The following TAFA5 variants were observed in gnomAD, a reference collection of about 807,000 sequenced individuals.
TAFA5 encodes TAFA chemokine like family member 5, also known as chemokine-like protein TAFA-5.
In TAFA5, 6 loss-of-function variants were observed where a neutral mutation model predicts 15.3. The ratio of observed to expected loss-of-function variants is 0.39; its 90% CI spans 0.21 to 0.77. The LOEUF is 0.77. TAFA5 is among the 30% of genes least tolerant of loss of function. TAFA5 has a pLI of 0.41. For missense variants in TAFA5, 161 were observed against 193.1 expected (o/e 0.83, Z 0.98); for synonymous variants, 103 against 80.7 (o/e 1.28, Z -1.48).
chr22:48,608,004 G>A (rs1260391093), intron 1 of TAFA5, among the ~76,000 whole-genome samples: 1 of 151,136 alleles, frequency 6.6e-6, no homozygotes, highest in Non-Finnish European at 1.5e-5. Flanking sequence ...CAGGCCTGGG[G>A]AACGTGGAGG....
chr22:48,560,727 G>C lies in TAFA5; in HGVS notation c.112+71023G>C, dbSNP rs1437306764. Among the ~76,000 whole-genome samples, 3 of 152,084 alleles carry C rather than the reference G, an allele frequency of 2.0e-5. No individual in the cohort carries two copies. The highest frequency in any genetic ancestry group is 1.3e-4 in the Admixed American group (2 of 15,284). ...GGGTTCAAGCAATTCTCCCGCCTCA[G>C]CTTCCTGAGTAGCTGGGATTACAGG... On this transcript the variant is annotated intron_variant, in intron 1 of 3. Transcript: ENST00000402357. This position sits in a 1 kb window ranked among gnomAD's most constrained non-coding sequence, Gnocchi z 4.2.
chr22:48,542,135 G>A (rs1274730482), intron 1 of TAFA5, among the ~76,000 whole-genome samples: 2 of 129,620 alleles, frequency 1.5e-5, no homozygotes, highest in South Asian at 2.3e-4. Context: ...TGTGTGATGT[G>A]TATGTGTGTG....
chr22:48,708,860 C>T (rs1322078591), intron 3 of TAFA5, among the ~76,000 whole-genome samples: 1 of 152,232 alleles, frequency 6.6e-6, no homozygotes, highest in Non-Finnish European at 1.5e-5. Flanking sequence ...AAATCCTTCC[C>T]CTTGCTGCCT....
rs16999333 is a variant in TAFA5 at position 48,530,257 on chromosome 22, A to G, written c.112+40553A>G. On this transcript the variant is annotated intron_variant, in intron 1 of 3. Coordinates refer to ENST00000402357, the MANE Select transcript of TAFA5 (RefSeq NM_001082967.3). This position sits in a 1 kb window ranked among gnomAD's most constrained non-coding sequence, Gnocchi z 6.0. ...TGCTCCCCTCCTGTGACATCCGAGC[A>G]TGGTCGTCTGACAAATGGGGCATCA... Among the ~76,000 whole-genome samples, 12,866 of 152,210 alleles carry G rather than the reference A, an allele frequency of 0.085. 707 individuals carry two copies. Among genetic ancestry groups the G allele is most frequent in the East Asian group, 0.25 (1,275 of 5,162 alleles).
chr22:48,730,672 T>C (rs1286592896), intron 3 of TAFA5, among the ~76,000 whole-genome samples: 1 of 152,196 alleles, frequency 6.6e-6, no homozygotes, highest in African/African-American at 2.4e-5. Context: ...CGGTGATCTG[T>C]GATCATTGAG....
At chr22:48,644,345 C>G (rs751339939) in intron 1 of TAFA5, among the ~76,000 whole-genome samples, 5 of 152,202 alleles carry the variant, frequency 3.3e-5, no homozygotes, top group Non-Finnish European at 5.9e-5. Context: ...TATGCCACCC[C>G]CTCCCCGCAG....
intron 1 of TAFA5, among the ~76,000 whole-genome samples, chr22:48,605,562 C>T (rs1050209197): frequency 3.4e-4 from 52 of 152,102 alleles, no homozygotes; most frequent in African/African-American, 1.2e-3. Context: ...GCATTTCATC[C>T]ACCATCTTCT....
At chr22:48,618,201 G>A (rs1396216651) in intron 1 of TAFA5, among the ~76,000 whole-genome samples, 1 of 152,152 alleles carries the variant, frequency 6.6e-6, no homozygotes, top group African/African-American at 2.4e-5. Flanking sequence ...GTGGGAGTTG[G>A]GGCTCTGGAA....
intron 2 of TAFA5, among the ~76,000 whole-genome samples, chr22:48,688,001 G>C (rs1928416824): frequency 8.6e-6 from 1 of 116,494 alleles, no homozygotes; most frequent in Non-Finnish European, 1.9e-5. Flanking sequence ...AACATGATTA[G>C]AGGGTTTTTT....
chr22:48,699,073 C>T (rs1161350737), intron 2 of TAFA5, among the ~76,000 whole-genome samples: 1 of 151,874 alleles, frequency 6.6e-6, no homozygotes, highest in Non-Finnish European at 1.5e-5. Context: ...TCCTGAGTAG[C>T]TGGGATGTAC....
At chr22:48,668,670 C>CCCCCAGCACTCAGGGCCGCGTCTTCACT (rs1927701282) in intron 2 of TAFA5, among the ~76,000 whole-genome samples, 1 of 69,172 alleles carries the variant, frequency 1.4e-5, no homozygotes, top group Non-Finnish European at 3.3e-5. Flanking sequence ...GCGTCTTCAC[C>CCCCCAGCACTCAGGGCCGCGTCTTCACT]GGGAGCTGTA....
intron 1 of TAFA5, among the ~76,000 whole-genome samples, chr22:48,504,223 A>G (rs552125886): frequency 1.3e-5 from 2 of 152,308 alleles, no homozygotes; most frequent in African/African-American, 2.4e-5. Flanking sequence ...TGGCTCAGAG[A>G]TAACCCAGGG....
At chr22:48,556,381 T>C (rs570470669) in intron 1 of TAFA5, among the ~76,000 whole-genome samples, 4 of 152,186 alleles carry the variant, frequency 2.6e-5, no homozygotes, top group Non-Finnish European at 2.9e-5. Flanking sequence ...AGCAATTAAA[T>C]GTAATAGATG....
rs142789547 is a variant in TAFA5, at chr22:48,695,509, G to A, written c.263-12208G>A. ...GAAGCCTGCCGTTCATGAGCACCTC[G>A]GGGCTTGGGTGTTGAGCTGAGTAAT... On this transcript the variant is annotated intron_variant, in intron 2 of 3. Coordinates refer to ENST00000402357, the MANE Select transcript of TAFA5 (RefSeq NM_001082967.3). Among the ~76,000 whole-genome samples, 637 of 152,310 alleles carry A rather than the reference G, an allele frequency of 4.2e-3. 6 individuals are homozygous for A. The highest frequency in any genetic ancestry group is 0.015 in the African/African-American group (605 of 41,568).
At chr22:48,681,819 A>AACTTCTGCACCCCTG (rs1486281591) in intron 2 of TAFA5, among the ~76,000 whole-genome samples, 8 of 122,286 alleles carry the variant, frequency 6.5e-5, no homozygotes, top group East Asian at 2.0e-4. Flanking sequence ...TGTTGTCCAC[A>AACTTCTGCACCCCTG]TGTAGACTCT....
intron 2 of TAFA5, among the ~76,000 whole-genome samples, chr22:48,686,659 G>T (rs1928363023): frequency 1.3e-5 from 2 of 152,054 alleles, no homozygotes; most frequent in Admixed American, 6.5e-5. Flanking sequence ...TGGATTGATG[G>T]ATGGTGGGTA....
intron 3 of TAFA5, among the ~76,000 whole-genome samples, chr22:48,740,321 C>T (rs923362317): frequency 6.6e-6 from 1 of 152,216 alleles, no homozygotes; most frequent in Non-Finnish European, 1.5e-5. Context: ...GAGCTGGTCG[C>T]AGAGCCAGCC....
At chr22:48,729,291 ATTTTATATTTATTTATAAATATATAATAT>A (rs1569096802) in intron 3 of TAFA5, among the ~76,000 whole-genome samples, 1 of 35,680 alleles carries the variant, frequency 2.8e-5, no homozygotes, top group African/African-American at 7.9e-5. Flanking sequence ...ATATATAATA[ATTTTATATTTATTTATAAATATATAATAT>A]TTTTATATTT....
intron 1 of TAFA5, among the ~76,000 whole-genome samples, chr22:48,634,253 CATTT>C: frequency 6.6e-6 from 1 of 152,264 alleles, no homozygotes; most frequent in South Asian, 2.1e-4. Context: ...CTTATTCAAT[CATTT>C]ACTCATTCAC....
Sources: allele counts gnomAD v4.1 joint callset (sites outside exome capture counted in the v4.1 genomes callset), GRCh38; gene constraint gnomAD v4.1.1; non-coding constraint Gnocchi (gnomAD v3.1); transcripts MANE v1.5; gene names NCBI Gene and HGNC (gene_info 2026-07-23, HGNC 2026-07-21).